The following SLC39A8 variants were observed in gnomAD, a reference collection of about 807,000 sequenced individuals.
The protein encoded by SLC39A8 is solute carrier family 39 member 8.
SLC39A8 carries 15 observed loss-of-function variants against 40.4 expected under a neutral mutation model. That is an observed-to-expected ratio of 0.37 (90% CI 0.25 to 0.57). The LOEUF (loss-of-function observed/expected upper bound fraction) is 0.57, where lower values mean the gene tolerates loss of function less well. SLC39A8 is among the 20% of genes least tolerant of loss of function. The probability of loss-of-function intolerance (pLI) is 0.75; values close to 1 mark genes in which losing one functional copy is unlikely to be tolerated. For synonymous variants in SLC39A8, 223 were observed against 221.6 expected (o/e 1.01, Z -0.06); for missense variants, 472 against 558.8 (o/e 0.84, Z 1.57).
chr4:102,262,455 T>A lies in SLC39A8; in HGVS notation c.*589A>T. The stretch of plus-strand genomic sequence containing the variant: ...TTTCCTAACTCCTATTATTTTAGAA[T>A]GGTTTTCAAAATAATACTGCAAGTT... On this transcript the variant is annotated 3_prime_UTR_variant, in exon 9 of 9. Transcript: ENST00000356736. The A allele has an allele frequency of 1.0e-6, 1 of 985,386 alleles. No homozygotes were observed. Among genetic ancestry groups the A allele is most frequent in the Non-Finnish European group, 1.2e-6 (1 of 829,758 alleles). 61.0% of individuals were successfully genotyped at this position (985,386 alleles called of 1,614,324 possible).
At chr4:102,309,628 T>G (rs536908999) in intron 3 of SLC39A8, among the ~76,000 whole-genome samples, 1 of 152,220 alleles carries the variant, frequency 6.6e-6, no homozygotes, top group East Asian at 1.9e-4. Flanking sequence ...TCTCATTGGG[T>G]AGACAAGATA....
At chr4:102,320,784 G>GA (rs963843051) in intron 2 of SLC39A8, among the ~76,000 whole-genome samples, 3 of 141,474 alleles carry the variant, frequency 2.1e-5, no homozygotes, top group African/African-American at 7.7e-5. Flanking sequence ...ATATATATGA[G>GA]AAAAAATATA....
intron 2 of SLC39A8, among the ~76,000 whole-genome samples, chr4:102,333,439 A>G (rs567585853): frequency 6.6e-6 from 1 of 152,334 alleles, no homozygotes; most frequent in East Asian, 1.9e-4. Flanking sequence ...AGAGATATTT[A>G]TAAGTTATTA....
intron 6 of SLC39A8, among the ~76,000 whole-genome samples, chr4:102,281,629 C>G (rs1732876738): frequency 2.0e-5 from 3 of 151,884 alleles, no homozygotes. Flanking sequence ...CACTTAGGAC[C>G]AAGTGGGGGT....
At chr4:102,285,271 T>G (rs1051768143) in intron 6 of SLC39A8, among the ~76,000 whole-genome samples, 2 of 152,142 alleles carry the variant, frequency 1.3e-5, no homozygotes, top group African/African-American at 4.8e-5. Context: ...GAGCCAATAA[T>G]TAGCATGGAG....
chr4:102,342,906 A>G (rs1402125351), intron 2 of SLC39A8, among the ~76,000 whole-genome samples: 1 of 152,224 alleles, frequency 6.6e-6, no homozygotes, highest in Non-Finnish European at 1.5e-5. Context: ...ACAGATATGC[A>G]GCTTCAAGTC....
downstream of SLC39A8, among the ~76,000 whole-genome samples, chr4:102,259,758 A>C (rs561186550): frequency 6.6e-6 from 1 of 152,274 alleles, no homozygotes; most frequent in African/African-American, 2.4e-5. Flanking sequence ...GTCAGATCCA[A>C]CTTTTCTTGC....
intron 2 of SLC39A8, among the ~76,000 whole-genome samples, chr4:102,343,976 C>T (rs1054839073): frequency 3.3e-5 from 5 of 152,144 alleles, no homozygotes; most frequent in Admixed American, 2.0e-4. Flanking sequence ...GCCAGAACTA[C>T]ATTATATCTC....
chr4:102,307,598 T>C lies in SLC39A8; in HGVS notation c.390A>G (p.Gly130=). The change falls in exon 4 of 9, where the codon GGA becomes GGG. Residue 130 remains glycine, a synonymous_variant. Coordinates refer to ENST00000356736, the MANE Select transcript of SLC39A8 (RefSeq NM_001135146.2). Reference sequence around the variant, plus strand: ...TAATCGTCACTGACAGGAATCCATATCCCCAAACTGTGGGTCAGAGGGAAA... The same window carrying C: ...TAATCGTCACTGACAGGAATCCATACCCCCAAACTGTGGGTCAGAGGGAAA... ...KTRPSHSEVW[G]YGFLSVTIIN... The C allele has an allele frequency of 6.2e-7, 1 of 1,612,544 alleles. No individual in the cohort carries two copies. The highest frequency in any genetic ancestry group is 1.1e-5 in the South Asian group (1 of 90,876).
chr4:102,307,327 A>C, intron 4 of SLC39A8, 109 bp downstream of exon 4: 1 of 1,311,846 alleles, frequency 7.6e-7, no homozygotes, highest in Non-Finnish European at 1.1e-6. Context: ...AAGACACTAT[A>C]AACTAGACCA....
intron 6 of SLC39A8, among the ~76,000 whole-genome samples, chr4:102,273,933 T>TC (rs1371692373): frequency 6.6e-6 from 1 of 151,696 alleles, no homozygotes; most frequent in Admixed American, 6.6e-5. Flanking sequence ...ACTCAAAAAC[T>TC]CCATCTGAAG....
In SLC39A8 at chr4:102,268,040, C is replaced by T. The variant is rs1415990582; in HGVS notation, c.880G>A (p.Gly294Arg). 5 of 1,614,024 alleles carry T rather than the reference C, an allele frequency of 3.1e-6. No homozygotes were observed. The highest frequency in any genetic ancestry group is 4.2e-6 in the Non-Finnish European group (5 of 1,180,030). ...GTCCCTATTTCTGACAGTTTGGGCCCCTTCAAACAGGTACATGAACTTGGC... is the reference window on the plus strand; with the variant it reads ...GTCCCTATTTCTGACAGTTTGGGCCTCTTCAAACAGGTACATGAACTTGGC... ...KEPSSCTCLK[G>R]PKLSEIGTIA... The change falls in exon 7 of 9, where the codon GGG becomes AGG. Residue 294 changes from glycine (G) to arginine (R), a missense_variant. By Grantham distance (125) the Gly-to-Arg change is moderately radical. Transcript: ENST00000356736.
In SLC39A8 at chr4:102,263,019, T is replaced by G; in HGVS notation, c.*25A>C. ...GTTTTTATCTATTAAATGCCTTTATTAACAACACCATCTTCCATTTTCTAT... is the reference window on the plus strand; with the variant it reads ...GTTTTTATCTATTAAATGCCTTTATGAACAACACCATCTTCCATTTTCTAT... On this transcript the variant is annotated 3_prime_UTR_variant, in exon 9 of 9. Coordinates refer to ENST00000356736, the MANE Select transcript of SLC39A8 (RefSeq NM_001135146.2). 1.3e-6 allele frequency: 2 copies of G among 1,585,872 alleles called. No individual in the cohort carries two copies. Among genetic ancestry groups the G allele is most frequent in the Non-Finnish European group, 1.7e-6 (2 of 1,163,686 alleles).
At chr4:102,309,249 C>A (rs994722049) in intron 3 of SLC39A8, among the ~76,000 whole-genome samples, 2 of 152,084 alleles carry the variant, frequency 1.3e-5, no homozygotes, top group African/African-American at 4.8e-5. Flanking sequence ...AGTGCAAACA[C>A]ACACACAGAG....
rs1182348045 is a variant in SLC39A8, at chr4:102,344,904, C to T, written c.-242G>A. The T allele has an allele frequency of 1.9e-5, 24 of 1,293,540 alleles. No individual in the cohort carries two copies. Among genetic ancestry groups the T allele is most frequent in the Non-Finnish European group, 2.3e-5 (24 of 1,025,354 alleles). 80.1% of individuals were successfully genotyped at this position (1,293,540 alleles called of 1,614,324 possible). ...CGATAGGCGGAGTGGGCCCCCCGGC[C>T]TCCTGGAGAGCCTGAGATAAAGAGG... On this transcript the variant is annotated 5_prime_UTR_variant, in exon 2 of 9. Coordinates refer to ENST00000356736, the MANE Select transcript of SLC39A8 (RefSeq NM_001135146.2).
At chr4:102,335,822 A>G (rs2149054228) in intron 2 of SLC39A8, among the ~76,000 whole-genome samples, 1 of 152,322 alleles carries the variant, frequency 6.6e-6, no homozygotes, top group Admixed American at 6.5e-5. Context: ...CATGGAAACC[A>G]AGACTGAAAT....
At chr4:102,298,221 A>G (rs1441224360) in intron 6 of SLC39A8, among the ~76,000 whole-genome samples, 1 of 152,098 alleles carries the variant, frequency 6.6e-6, no homozygotes, top group Non-Finnish European at 1.5e-5. Flanking sequence ...AGTATACTTC[A>G]TATCAGTGAA....
At chr4:102,303,559 A>G (rs973593557) in intron 6 of SLC39A8, among the ~76,000 whole-genome samples, 2 of 151,954 alleles carry the variant, frequency 1.3e-5, no homozygotes, top group Admixed American at 6.6e-5. Context: ...AAAGAAAAGA[A>G]TGATACTAAG....
downstream of SLC39A8, chr4:102,259,456 G>T (rs753160208): frequency 4.5e-6 from 7 of 1,539,896 alleles, no homozygotes; most frequent in South Asian, 3.6e-5. Context: ...TATTCTTACC[G>T]TATATATCCA....
Sources: allele counts gnomAD v4.1 joint callset (sites outside exome capture counted in the v4.1 genomes callset), GRCh38; gene constraint gnomAD v4.1.1; transcripts MANE v1.5; gene names NCBI Gene and HGNC (gene_info 2026-07-23, HGNC 2026-07-21).